Variants in LIN7A observed in about 807,000 individuals in gnomAD.
LIN7A encodes lin-7 cell polarity scaffold A.
A neutral mutation model predicts 29.8 loss-of-function variants in LIN7A; 25 were observed. That is an observed-to-expected ratio of 0.84 (90% CI 0.61 to 1.17). LIN7A has a LOEUF of 1.17. LIN7A is among the 50% of genes most tolerant of loss of function. LIN7A has a pLI of 0.00. For missense variants in LIN7A, 239 were observed against 287.0 expected (o/e 0.83, Z 1.21); for synonymous variants, 118 against 107.5 (o/e 1.10, Z -0.60).
chr12:80,810,607 C>A (rs1871240602), intron 5 of LIN7A, among the ~76,000 whole-genome samples: 1 of 152,016 alleles, frequency 6.6e-6, no homozygotes, highest in Non-Finnish European at 1.5e-5. Context: ...GAATATCTCC[C>A]CAGAAGCAGA....
At chr12:80,912,036 A>C (rs1261916062) in intron 1 of LIN7A, among the ~76,000 whole-genome samples, 4 of 152,226 alleles carry the variant, frequency 2.6e-5, no homozygotes, top group Admixed American at 2.6e-4. Context: ...GAAAAAATTT[A>C]ATAAGCCTTA....
chr12:80,905,486 C>T (rs891731346), intron 1 of LIN7A, among the ~76,000 whole-genome samples: 2 of 152,066 alleles, frequency 1.3e-5, no homozygotes, highest in Non-Finnish European at 2.9e-5. Flanking sequence ...ATAATACAGA[C>T]ACAAACATAT....
chr12:80,848,392 A>G, intron 2 of LIN7A, 70 bp from the exon 3 acceptor site: 1 of 1,173,342 alleles, frequency 8.5e-7, no homozygotes, highest in Non-Finnish European at 1.2e-6. Flanking sequence ...TTGCAGAAAG[A>G]AAATTATATT....
intron 2 of LIN7A, among the ~76,000 whole-genome samples, chr12:80,868,539 G>A (rs1874256982): frequency 6.6e-6 from 1 of 152,160 alleles, no homozygotes; most frequent in South Asian, 2.1e-4. Context: ...TTGCACTCCA[G>A]CCTGGGCAAC....
At chr12:80,798,917 G>C (rs1870587364) in intron 5 of LIN7A, among the ~76,000 whole-genome samples, 1 of 151,948 alleles carries the variant, frequency 6.6e-6, no homozygotes, top group Non-Finnish European at 1.5e-5. Flanking sequence ...ATTTTTAGTA[G>C]AGATGGGGTT....
intron 4 of LIN7A, among the ~76,000 whole-genome samples, chr12:80,840,665 G>C (rs1872766683): frequency 6.6e-6 from 1 of 152,200 alleles, no homozygotes; most frequent in Non-Finnish European, 1.5e-5. Context: ...CTTATGAATA[G>C]GGTACACAGA....
intron 4 of LIN7A, among the ~76,000 whole-genome samples, chr12:80,829,399 C>T (rs1872236087): frequency 6.6e-6 from 1 of 152,120 alleles, no homozygotes; most frequent in African/African-American, 2.4e-5. Flanking sequence ...CCCAAGTTTT[C>T]CTTTCCTATA....
intron 1 of LIN7A, among the ~76,000 whole-genome samples, chr12:80,909,009 G>A (rs76203849): frequency 0.052 from 7,959 of 151,812 alleles, 353 homozygotes; most frequent in Admixed American, 0.15. Flanking sequence ...ATTATGATAC[G>A]TGCTTTTTAT....
intron 1 of LIN7A, chr12:80,937,313 C>T: frequency 3.6e-6 from 1 of 281,622 alleles, no homozygotes; most frequent in East Asian, 6.1e-5. Flanking sequence ...CCCCTGGCGC[C>T]TATAGCCGTC....
In LIN7A at chr12:80,917,921, G is replaced by A. The variant is rs559173727; in HGVS notation, c.82+19720C>T. ...TAATTGTGAGCACACTTTTGGAAGG[G>A]ACTGTTTCTTCTATGAGAAACCAGT... On this transcript the variant is annotated intron_variant, in intron 1 of 5. Coordinates refer to ENST00000552864, the MANE Select transcript of LIN7A (RefSeq NM_004664.4). Among the ~76,000 whole-genome samples, 127 of 152,308 alleles carry A rather than the reference G, an allele frequency of 8.3e-4. 1 individual carries two copies. The highest frequency in any genetic ancestry group is 2.5e-3 in the African/African-American group (105 of 41,566).
chr12:80,919,963 G>A (rs974339562), intron 1 of LIN7A, among the ~76,000 whole-genome samples: 1 of 152,146 alleles, frequency 6.6e-6, no homozygotes, highest in Non-Finnish European at 1.5e-5. Context: ...AGGGCAAAGA[G>A]ACAGAATCTC....
chr12:80,830,407 A>G (rs1436483651), intron 4 of LIN7A, among the ~76,000 whole-genome samples: 2 of 152,132 alleles, frequency 1.3e-5, no homozygotes, highest in Non-Finnish European at 2.9e-5. Flanking sequence ...TGTGCCCTAT[A>G]GGGATTTACT....
chr12:80,811,238 G>C (rs1201829387), intron 5 of LIN7A, among the ~76,000 whole-genome samples: 1 of 152,128 alleles, frequency 6.6e-6, no homozygotes, highest in East Asian at 1.9e-4. Context: ...TATTTGTGGA[G>C]AATATAGCTG....
rs80300036 is a variant in LIN7A at position 80,861,207 on chromosome 12, G to A, written c.202-12885C>T. ...TCCTCACAGAAAAGGGTCAGGATCCGATAGTGCTCCTTGCACAACACTTTG... is the reference window on the plus strand; with the variant it reads ...TCCTCACAGAAAAGGGTCAGGATCCAATAGTGCTCCTTGCACAACACTTTG... On this transcript the variant is annotated intron_variant, in intron 2 of 5. Coordinates refer to ENST00000552864, the MANE Select transcript of LIN7A (RefSeq NM_004664.4). The A allele has an allele frequency of 4.0e-3, 609 of 152,432 alleles. 2 individuals carry two copies. Among genetic ancestry groups the A allele is most frequent in the African/African-American group, 8.5e-3 (354 of 41,558 alleles). 9.4% of individuals were successfully genotyped at this position (152,432 alleles called of 1,614,324 possible).
intron 2 of LIN7A, among the ~76,000 whole-genome samples, chr12:80,859,157 A>G (rs1231282644): frequency 6.6e-6 from 1 of 152,186 alleles, no homozygotes; most frequent in Non-Finnish European, 1.5e-5. Context: ...TATTTGACAC[A>G]CCGTTAATAC....
intron 4 of LIN7A, among the ~76,000 whole-genome samples, chr12:80,845,026 C>T (rs1458202339): frequency 6.6e-6 from 1 of 151,982 alleles, no homozygotes; most frequent in Non-Finnish European, 1.5e-5. Context: ...ATCACGAGAT[C>T]AGGAGATTGA....
chr12:80,848,198 C>T, intron 3 of LIN7A, 53 bp downstream of exon 3: 1 of 1,302,132 alleles, frequency 7.7e-7, no homozygotes, highest in Non-Finnish European at 1.1e-6. Context: ...CGCGCACAAT[C>T]AATTACTAGA....
rs1194422302 is a variant in LIN7A at position 80,842,074 on chromosome 12, T to G, written c.483+3656A>C. On this transcript the variant is annotated intron_variant, in intron 4 of 5. Coordinates refer to ENST00000552864, the MANE Select transcript of LIN7A (RefSeq NM_004664.4). Reference sequence around the variant, plus strand: ...GCCTAGGGATAGAAAAAATTTTCTCTCCCAATGATTGCTGAGCTGACATGA... The same window carrying G: ...GCCTAGGGATAGAAAAAATTTTCTCGCCCAATGATTGCTGAGCTGACATGA... 8 of 1,286,792 alleles carry G rather than the reference T, an allele frequency of 6.2e-6. No homozygotes were observed. In the South Asian group the frequency reaches 1.0e-4, roughly 16 times the overall value. The allele number at this position is 1,286,792 out of a possible 1,614,324, so 79.7% of individuals were successfully genotyped here. A position where few individuals can be genotyped will look rare whatever the true frequency, so the allele number is the denominator to read the frequency against.
intron 2 of LIN7A, among the ~76,000 whole-genome samples, chr12:80,850,069 T>G (rs554910340): frequency 6.6e-6 from 1 of 152,152 alleles, no homozygotes; most frequent in Non-Finnish European, 1.5e-5. Flanking sequence ...TGGAGATAAA[T>G]ACCTGTACCT....
Sources: gnomAD v4.1 joint callset for allele counts (sites outside exome capture counted in the v4.1 genomes callset) on GRCh38, gnomAD v4.1.1 for gene constraint, MANE v1.5 for transcripts, NCBI Gene and HGNC (gene_info 2026-07-23, HGNC 2026-07-21) for gene names.